Variants in WWOX observed in about 807,000 individuals in gnomAD.
The protein encoded by WWOX is WW domain containing oxidoreductase.
Under a neutral mutation model 46.2 loss-of-function variants are expected in WWOX, and 69 were observed. The observed-to-expected ratio is 1.49, with a 90% CI of 1.23 to 1.82. The LOEUF is 1.82. Ranked by LOEUF, WWOX falls within the 40% of genes most tolerant of loss-of-function variation. The pLI is 0.00. For synonymous variants in WWOX, 359 were observed against 202.6 expected, an observed-to-expected ratio of 1.77 and a Z score of -6.56; for missense variants, 919 against 542.6, an observed-to-expected ratio of 1.69 and a Z score of -6.89.
chr16:78,581,206 A>G (rs1450143528), intron 8 of WWOX, among the ~76,000 whole-genome samples: 2 of 152,220 alleles, frequency 1.3e-5, no homozygotes, highest in Non-Finnish European at 2.9e-5. Context: ...AAAAAGTTAC[A>G]TATGGTCCTT....
intron 8 of WWOX, among the ~76,000 whole-genome samples, chr16:78,743,617 C>T (rs1348753846): frequency 6.6e-6 from 1 of 152,132 alleles, no homozygotes; most frequent in African/African-American, 2.4e-5. Context: ...CCTCTGCAAC[C>T]CCTCCCCACT....
intron 8 of WWOX, among the ~76,000 whole-genome samples, chr16:78,767,474 GTGTGTGTC>G (rs376106199): frequency 0.033 from 3,238 of 97,706 alleles, 128 homozygotes; most frequent in African/African-American, 0.11. Context: ...GTGTGAGTGT[GTGTGTGTC>G]TGTGTGTGTG....
intron 4 of WWOX, among the ~76,000 whole-genome samples, chr16:78,158,638 G>T (rs1454728887): frequency 6.6e-6 from 1 of 151,934 alleles, no homozygotes; most frequent in East Asian, 1.9e-4. Flanking sequence ...AAATTCATTG[G>T]TATAAAGTTG....
Position 78,804,770 on chromosome 16 carries a change from T to A in WWOX, c.1056+372018T>A, listed in dbSNP as rs73575676. Among the ~76,000 whole-genome samples the A allele has an allele frequency of 8.7e-3, 1,323 of 152,308 alleles. 23 individuals are homozygous for A. The highest frequency in any genetic ancestry group is 0.03 in the African/African-American group (1,260 of 41,566). ...TTGTAGCAAAAGTTACCTTGATAGT[T>A]CAGGTGTGCAGAGAAAATTCACAGC... On this transcript the variant is annotated intron_variant, in intron 8 of 8. Coordinates refer to ENST00000566780, the MANE Select transcript of WWOX (RefSeq NM_016373.4).
At chr16:78,422,844 T>TACACACACACACACACACACAC (rs370327902) in intron 6 of WWOX, among the ~76,000 whole-genome samples, 1 of 105,118 alleles carries the variant, frequency 9.5e-6, no homozygotes, top group Non-Finnish European at 1.7e-5. Context: ...TATATACATA[T>TACACACACACACACACACACAC]ACACACACAC....
intron 8 of WWOX, among the ~76,000 whole-genome samples, chr16:79,076,590 C>T (rs945638093): frequency 6.6e-6 from 1 of 152,190 alleles, no homozygotes; most frequent in African/African-American, 2.4e-5. Flanking sequence ...CCTATCCAGG[C>T]CCCTTCATGA....
At chr16:78,839,247 A>G (rs1296949361) in intron 8 of WWOX, among the ~76,000 whole-genome samples, 1 of 152,162 alleles carries the variant, frequency 6.6e-6, no homozygotes, top group Non-Finnish European at 1.5e-5. Context: ...CTATTTTGAT[A>G]TATTTTCTCT....
rs372534459 is a variant in WWOX at position 78,841,986 on chromosome 16, G to T, written c.1057-369622G>T. ...TGGGACACCCAGCTATTCTCTGGAA[G>T]GGAAGGGGGATATAAGAGACACACT... On this transcript the variant is annotated intron_variant, in intron 8 of 8. Transcript: ENST00000566780. 3.9e-5 allele frequency among the ~76,000 whole-genome samples: 6 copies of T among 152,268 alleles called. No homozygotes were observed. The South Asian group carries it at 1.2e-3, about 32-fold the overall frequency.
rs182999454 is a variant in WWOX, at chr16:79,183,072, T to G, written c.1057-28536T>G. Among the ~76,000 whole-genome samples, 248 of 152,330 alleles carry G rather than the reference T, an allele frequency of 1.6e-3. 1 individual carries two copies. The highest frequency in any genetic ancestry group is 5.5e-3 in the African/African-American group (230 of 41,580). On this transcript the variant is annotated intron_variant, in intron 8 of 8. Coordinates refer to ENST00000566780, the MANE Select transcript of WWOX (RefSeq NM_016373.4). ...TCTTCCATGTTGGGGTGCTCTTCTC[T>G]GGCAACCCACTATGGGTACTCCACT... is the stretch of plus-strand genomic sequence containing the variant.
chr16:78,777,287 G>A (rs781549821), intron 8 of WWOX, among the ~76,000 whole-genome samples: 6 of 152,080 alleles, frequency 3.9e-5, no homozygotes, highest in Non-Finnish European at 7.4e-5. Context: ...CATCCAACAG[G>A]AATTTGTACA....
In WWOX at chr16:78,960,584, G is replaced by A. The variant is rs186235450; in HGVS notation, c.1057-251024G>A. On this transcript the variant is annotated intron_variant, in intron 8 of 8. Coordinates refer to ENST00000566780, the MANE Select transcript of WWOX (RefSeq NM_016373.4). ...GTATTTATTGAGTTATGACTGTCAG[G>A]CATGGAACAGATCCATTGGTCAGAA... is the stretch of plus-strand genomic sequence containing the variant. 2.1e-3 allele frequency among the ~76,000 whole-genome samples: 317 copies of A among 152,302 alleles called. 3 individuals carry two copies. The highest frequency in any genetic ancestry group is 0.018 in the Admixed American group (269 of 15,296).
intron 8 of WWOX, among the ~76,000 whole-genome samples, chr16:78,500,897 T>G (rs1439201270): frequency 1.3e-5 from 2 of 152,172 alleles, no homozygotes; most frequent in African/African-American, 2.4e-5. Context: ...TCCAAAAGAA[T>G]TCAAAGCCAG....
At chr16:79,163,903 T>C (rs1031910952) in intron 8 of WWOX, among the ~76,000 whole-genome samples, 23 of 98,492 alleles carry the variant, frequency 2.3e-4, no homozygotes, top group African/African-American at 8.8e-4. Flanking sequence ...AAAAAGGAAC[T>C]GATCTGGCTG....
intron 8 of WWOX, among the ~76,000 whole-genome samples, chr16:78,755,962 T>C (rs2142470137): frequency 6.6e-6 from 1 of 152,284 alleles, no homozygotes; most frequent in Non-Finnish European, 1.5e-5. Context: ...TTCTGGCAAA[T>C]CAGAGGCCTG....
intron 8 of WWOX, among the ~76,000 whole-genome samples, chr16:79,131,800 A>G (rs924039219): frequency 6.6e-6 from 1 of 152,110 alleles, no homozygotes; most frequent in African/African-American, 2.4e-5. Context: ...GGGAAGAAAA[A>G]TCGGTTTAAT....
chr16:79,002,290 C>G (rs1278666439), intron 8 of WWOX, among the ~76,000 whole-genome samples: 8 of 123,456 alleles, frequency 6.5e-5, no homozygotes, highest in East Asian at 2.6e-4. Context: ...ATGGCGTGAT[C>G]TCAGCTCACT....
chr16:78,198,221 A>G (rs941342201), intron 5 of WWOX, among the ~76,000 whole-genome samples: 5 of 151,526 alleles, frequency 3.3e-5, no homozygotes, highest in African/African-American at 1.2e-4. Flanking sequence ...TGATTCCTAG[A>G]TCTTGCATTT....
intron 8 of WWOX, among the ~76,000 whole-genome samples, chr16:78,800,059 A>T (rs1309798041): frequency 1.3e-5 from 2 of 152,180 alleles, no homozygotes; most frequent in Non-Finnish European, 2.9e-5. Flanking sequence ...TTCATCAAGC[A>T]CATTGTTATC....
At chr16:78,602,071 A>G (rs1038362569) in intron 8 of WWOX, among the ~76,000 whole-genome samples, 18 of 152,344 alleles carry the variant, frequency 1.2e-4, no homozygotes, top group East Asian at 3.9e-4. Flanking sequence ...TCCTGAAATT[A>G]GAGTCTTATT....
Sources: allele counts gnomAD v4.1 joint callset (sites outside exome capture counted in the v4.1 genomes callset), GRCh38; gene constraint gnomAD v4.1.1; transcripts MANE v1.5; gene names NCBI Gene and HGNC (gene_info 2026-07-23, HGNC 2026-07-21).